The following CDC42BPA variants were observed in gnomAD, a reference collection of about 807,000 sequenced individuals.
CDC42BPA encodes the protein CDC42 binding protein kinase alpha, also known as serine/threonine-protein kinase MRCK alpha.
A neutral mutation model predicts 223.5 loss-of-function variants in CDC42BPA; 80 were observed. The ratio of observed to expected loss-of-function variants is 0.36; its 90% CI spans 0.30 to 0.43. The LOEUF is 0.43. Ranked by LOEUF, CDC42BPA falls within the 20% of genes least tolerant of loss-of-function variation. The pLI is 1.00. For missense variants in CDC42BPA, 1,743 were observed against 2,099.9 expected (o/e 0.83, Z 3.32); for synonymous variants, 694 against 718.6 (o/e 0.97, Z 0.55).
At chr1:227,277,190 A>G (rs1687252190) in intron 1 of CDC42BPA, among the ~76,000 whole-genome samples, 1 of 152,120 alleles carries the variant, frequency 6.6e-6, no homozygotes, top group East Asian at 1.9e-4. Context: ...TTTAAAATTA[A>G]AAGTGGGCAA....
At position 227,259,915 on chromosome 1, in the gene CDC42BPA, CA is replaced by C. The variant is rs552286985; in HGVS notation, c.179-5761del. ...CTTCTTGGCAAAACAAAAACAAAAA[CA>C]AAAAAAATTGATTTGGTACTAAGGA... On this transcript the variant is annotated intron_variant, in intron 1 of 36. Coordinates refer to ENST00000366766, the MANE Select transcript of CDC42BPA (RefSeq NM_001394014.1). Among the ~76,000 whole-genome samples, 23 of 147,616 alleles carry C rather than the reference CA, an allele frequency of 1.6e-4. 1 individual carries two copies. The highest frequency in any genetic ancestry group is 1.1e-3 in the South Asian group (5 of 4,758).
intron 14 of CDC42BPA, among the ~76,000 whole-genome samples, chr1:227,101,805 T>G (rs1392901866): frequency 6.6e-6 from 1 of 152,172 alleles, no homozygotes; most frequent in Non-Finnish European, 1.5e-5. Context: ...CTCTTCACTT[T>G]TAGGTATGAT....
At chr1:227,020,392 T>C (rs1033420996) in intron 32 of CDC42BPA, among the ~76,000 whole-genome samples, 29 of 152,262 alleles carry the variant, frequency 1.9e-4, no homozygotes, top group African/African-American at 6.8e-4. Context: ...CTAAACTGAA[T>C]TTCGTATTGT....
intron 1 of CDC42BPA, among the ~76,000 whole-genome samples, chr1:227,265,727 T>A (rs1684886326): frequency 6.6e-6 from 1 of 152,124 alleles, no homozygotes; most frequent in South Asian, 2.1e-4. Context: ...TAGACCCTAG[T>A]TTCTCCTTCT....
chr1:227,010,627 T>C (rs886329949), intron 34 of CDC42BPA, among the ~76,000 whole-genome samples: 1 of 152,168 alleles, frequency 6.6e-6, no homozygotes, highest in Non-Finnish European at 1.5e-5. Context: ...TAATACTGTG[T>C]TTCAAAAATG....
chr1:227,078,305 G>A (rs1679923754), intron 17 of CDC42BPA, among the ~76,000 whole-genome samples: 1 of 152,060 alleles, frequency 6.6e-6, no homozygotes, highest in South Asian at 2.1e-4. Flanking sequence ...CAATATGTAA[G>A]GCATTTATAT....
intron 14 of CDC42BPA, among the ~76,000 whole-genome samples, chr1:227,101,787 C>T (rs928349957): frequency 9.9e-5 from 15 of 152,040 alleles, no homozygotes; most frequent in African/African-American, 3.4e-4. Flanking sequence ...AGAAAAAAAA[C>T]GGTAGGTCTC....
chr1:227,309,355 T>C (rs1219887738), intron 1 of CDC42BPA, among the ~76,000 whole-genome samples: 1 of 152,246 alleles, frequency 6.6e-6, no homozygotes, highest in Admixed American at 6.5e-5. Context: ...CAGCTTTAAT[T>C]GTTCACACAA....
rs760207035 is a variant in CDC42BPA, at chr1:227,112,409, G to A, written c.1904C>T (p.Thr635Ile). The A allele has an allele frequency of 8.1e-6, 13 of 1,596,642 alleles. No homozygotes were observed. In the East Asian group the frequency reaches 2.9e-4, roughly 36 times the overall value. ...AGATGCTTCAGCAGCTAGAGCTTCT[G>A]TATGAACTTCCAGCTTTAAAACAGA... ...ERAKKELEVH[T>I]EALAAEASKD... The change falls in exon 14 of 37, where the codon ACA becomes ATA. Residue 635 changes from threonine (T) to isoleucine (I), a missense_variant. This residue lies in a region of CDC42BPA where 464 missense variants were observed against 488.0 expected (regional missense o/e 0.95). Coordinates refer to ENST00000366766, the MANE Select transcript of CDC42BPA (RefSeq NM_001394014.1).
intron 11 of CDC42BPA, among the ~76,000 whole-genome samples, chr1:227,120,421 T>C (rs1182464305): frequency 6.6e-6 from 1 of 152,182 alleles, no homozygotes; most frequent in Non-Finnish European, 1.5e-5. Context: ...AAAGAGCAAA[T>C]ATCTGAAAAA....
At chr1:227,022,927 T>A (rs1667650784) in intron 32 of CDC42BPA, among the ~76,000 whole-genome samples, 1 of 152,204 alleles carries the variant, frequency 6.6e-6, no homozygotes, top group Admixed American at 6.5e-5. Context: ...GTGTTTATAA[T>A]TTTAATGTTA....
chr1:227,198,453 G>GAAAAA (rs10659956), intron 4 of CDC42BPA, among the ~76,000 whole-genome samples: 15 of 98,852 alleles, frequency 1.5e-4, no homozygotes, highest in Non-Finnish European at 2.6e-4. Flanking sequence ...AAAAAAAAAA[G>GAAAAA]AAAAGAAAGA....
At chr1:227,162,680 T>A (rs531219375) in intron 5 of CDC42BPA, among the ~76,000 whole-genome samples, 1 of 151,830 alleles carries the variant, frequency 6.6e-6, no homozygotes, top group African/African-American at 2.4e-5. Context: ...AAAATAAAAA[T>A]GAAAAATTAG....
chr1:227,181,737 G>A (rs568328083), intron 5 of CDC42BPA, among the ~76,000 whole-genome samples: 32 of 152,182 alleles, frequency 2.1e-4, no homozygotes, highest in African/African-American at 6.7e-4. Context: ...AGCCTAATAC[G>A]TTCATGATAA....
chr1:227,300,891 G>A (rs1017959815), intron 1 of CDC42BPA, among the ~76,000 whole-genome samples: 1 of 152,170 alleles, frequency 6.6e-6, no homozygotes, highest in Non-Finnish European at 1.5e-5. Context: ...CAGAAGAGCG[G>A]GTAAGCGCTG....
At chr1:227,022,420 G>T (rs535694732) in intron 32 of CDC42BPA, among the ~76,000 whole-genome samples, 1 of 124,258 alleles carries the variant, frequency 8.0e-6, no homozygotes, top group African/African-American at 3.0e-5. Flanking sequence ...GCAACAGAGT[G>T]AGACTCCCGT....
chr1:227,221,604 T>C (rs1442483039), intron 2 of CDC42BPA, among the ~76,000 whole-genome samples: 8 of 128,920 alleles, frequency 6.2e-5, no homozygotes, highest in Admixed American at 4.0e-4. Flanking sequence ...ATAATAGGCT[T>C]TTTTTTTTTT....
chr1:227,225,461 A>C (rs1676693216), intron 2 of CDC42BPA, among the ~76,000 whole-genome samples: 1 of 152,196 alleles, frequency 6.6e-6, no homozygotes, highest in Non-Finnish European at 1.5e-5. Context: ...TAAAACAAAT[A>C]AGAGAAATTC....
Position 227,245,284 on chromosome 1 carries a change from C to CTTTTTTTTTTT in CDC42BPA, c.270+8769_270+8779dup, listed in dbSNP as rs759666049. Among the ~76,000 whole-genome samples the CTTTTTTTTTTT allele has an allele frequency of 9.0e-4, 74 of 81,776 alleles. 3 individuals carry two copies. The highest frequency in any genetic ancestry group is 1.4e-3 in the African/African-American group (26 of 18,820). 53.6% of individuals were successfully genotyped at this position (81,776 alleles called of 152,430 possible). A position where few individuals can be genotyped will look rare whatever the true frequency, so the allele number is the denominator to read the frequency against. On this transcript the variant is annotated intron_variant, in intron 2 of 36. Transcript: ENST00000366766. ...GAGTAAAGAGGACTTTGTCTTGCAT[C>CTTTTTTTTTTT]TTTTTTTTTTTTTTTTTTTTTTTGA...
Sources: allele counts gnomAD v4.1 joint callset (sites outside exome capture counted in the v4.1 genomes callset), GRCh38; gene constraint gnomAD v4.1.1; regional missense constraint gnomAD v4.1.1; transcripts MANE v1.5; gene names NCBI Gene and HGNC (gene_info 2026-07-23, HGNC 2026-07-21).